Variants in SBF2 observed in about 807,000 individuals in gnomAD.
SBF2 encodes the protein myotubularin-related protein 13.
SBF2 carries 112 observed loss-of-function variants against 225.2 expected under a neutral mutation model. The observed-to-expected ratio is 0.50, with a 90% CI of 0.43 to 0.58. SBF2 has a LOEUF of 0.58. Among genes scored for constraint, SBF2 ranks in the 20% least tolerant of loss-of-function variants. The pLI, the probability that SBF2 is intolerant of heterozygous loss-of-function variation, is 0.00. For synonymous variants in SBF2, 763 were observed against 773.3 expected, an observed-to-expected ratio of 0.99 and a Z score of 0.22; for missense variants, 1,996 against 2,206.2, an observed-to-expected ratio of 0.90 and a Z score of 1.91.
In SBF2 at chr11:9,945,073, C is replaced by T. The variant is rs1865486866; in HGVS notation, c.1860+16884G>A. On this transcript the variant is annotated intron_variant, in intron 16 of 39. Transcript: ENST00000256190. ...TGGGCCATGATTGCACCACTGCACT[C>T]CAGCCTGAGTGACAGAGCCAAGATT... is the stretch of plus-strand genomic sequence containing the variant. Among the ~76,000 whole-genome samples, 3 of 152,242 alleles carry T rather than the reference C, an allele frequency of 2.0e-5. No individual in the cohort carries two copies. The South Asian group carries it at 6.2e-4, about 32-fold the overall frequency.
At chr11:9,787,897 T>C (rs1354989418) in intron 35 of SBF2, 159 bp from the exon 36 acceptor site, 10 of 677,670 alleles carry the variant, frequency 1.5e-5, no homozygotes, top group Non-Finnish European at 2.4e-5. Context: ...CAGCCAGGAA[T>C]AGTGGTGAGA....
At chr11:9,871,252 C>T (rs75779634) in intron 17 of SBF2, among the ~76,000 whole-genome samples, 4,034 of 151,548 alleles carry the variant, frequency 0.027, 194 homozygotes, top group African/African-American at 0.093. Context: ...ATCCATCTGA[C>T]GAAGATCTAA....
At position 9,794,844 on chromosome 11, in the gene SBF2, A is replaced by G. The variant is rs563245693; in HGVS notation, c.4570+987T>C. The stretch of plus-strand genomic sequence containing the variant: ...CATGAGCCAACAAAGGTCTGGAAGT[A>G]TAAACAGGGTGGAAAATGGTCTCAC... On this transcript the variant is annotated intron_variant, in intron 33 of 39. Coordinates refer to ENST00000256190, the MANE Select transcript of SBF2 (RefSeq NM_030962.4). 7.2e-5 allele frequency among the ~76,000 whole-genome samples: 11 copies of G among 152,284 alleles called. No individual in the cohort carries two copies. In the East Asian group the frequency reaches 1.4e-3, roughly 19 times the overall value.
intron 16 of SBF2, among the ~76,000 whole-genome samples, chr11:9,901,203 A>G (rs1861694344): frequency 6.6e-6 from 1 of 152,252 alleles, no homozygotes; most frequent in Admixed American, 6.5e-5. Flanking sequence ...GCAGACCAAA[A>G]TATAAGTAGA....
At chr11:10,002,339 A>T (rs756518694) in intron 7 of SBF2, among the ~76,000 whole-genome samples, 2 of 152,208 alleles carry the variant, frequency 1.3e-5, no homozygotes, top group Non-Finnish European at 1.5e-5. Context: ...ATACTATTCA[A>T]ATTAAATATT....
intron 16 of SBF2, chr11:9,956,485 T>C (rs1866173704): frequency 6.6e-6 from 1 of 152,160 alleles, no homozygotes; most frequent in South Asian, 2.1e-4. Flanking sequence ...AGGCTCTGCT[T>C]ATAGTTTTAA....
At chr11:10,112,635 A>AT (rs1952931830) in intron 2 of SBF2, among the ~76,000 whole-genome samples, 1 of 152,244 alleles carries the variant, frequency 6.6e-6, no homozygotes, top group South Asian at 2.1e-4. Flanking sequence ...TAGCAAACAC[A>AT]TCTTTGGGGA....
chr11:10,136,052 A>C (rs1954335738), intron 2 of SBF2, among the ~76,000 whole-genome samples: 1 of 152,182 alleles, frequency 6.6e-6, no homozygotes, highest in Non-Finnish European at 1.5e-5. Flanking sequence ...GAGGCCTCAC[A>C]ATCATGGCAG....
chr11:10,122,631 T>C lies in SBF2; in HGVS notation c.141+71271A>G, dbSNP rs1565254332. On this transcript the variant is annotated intron_variant, in intron 2 of 39. Transcript: ENST00000256190. Reference sequence around the variant, plus strand: ...ATTAAAAGGCACTTGATTTTCCTCATAGGAGAATCATTTGACACTCACTCA... The same window carrying C: ...ATTAAAAGGCACTTGATTTTCCTCACAGGAGAATCATTTGACACTCACTCA... Among the ~76,000 whole-genome samples, 6 of 152,212 alleles carry C rather than the reference T, an allele frequency of 3.9e-5. No homozygotes were observed. The South Asian group carries it at 1.2e-3, about 31-fold the overall frequency.
intron 17 of SBF2, among the ~76,000 whole-genome samples, chr11:9,887,370 T>C (rs1484961871): frequency 6.6e-6 from 1 of 152,082 alleles, no homozygotes; most frequent in African/African-American, 2.4e-5. Context: ...CTAATCTTAA[T>C]AAAGAACATT....
chr11:9,996,199 A>G (rs1947693456), intron 9 of SBF2, among the ~76,000 whole-genome samples: 1 of 152,164 alleles, frequency 6.6e-6, no homozygotes. Context: ...TAACCCCTAA[A>G]TAACTATTCA....
intron 1 of SBF2, among the ~76,000 whole-genome samples, chr11:10,241,595 T>C (rs1162121692): frequency 6.6e-6 from 1 of 151,964 alleles, no homozygotes; most frequent in Non-Finnish European, 1.5e-5. Flanking sequence ...TCAGGAAACA[T>C]TACAGATCCT....
intron 32 of SBF2, among the ~76,000 whole-genome samples, chr11:9,797,091 A>G (rs932251134): frequency 6.6e-6 from 1 of 152,216 alleles, no homozygotes; most frequent in African/African-American, 2.4e-5. Context: ...AGCTGGTTCA[A>G]ATTAACACTA....
In SBF2 at chr11:10,171,930, A is replaced by C. The variant is rs544676027; in HGVS notation, c.141+21972T>G. On this transcript the variant is annotated intron_variant, in intron 2 of 39. Transcript: ENST00000256190. Reference sequence around the variant, plus strand: ...CTTCCAGGTTTTCCAATTTATTGACATATAGTTGGTCACAGTAGCCACTAA... The same window carrying C: ...CTTCCAGGTTTTCCAATTTATTGACCTATAGTTGGTCACAGTAGCCACTAA... 2.2e-4 allele frequency among the ~76,000 whole-genome samples: 34 copies of C among 152,286 alleles called. No individual in the cohort carries two copies. In the South Asian group the frequency reaches 6.4e-3, roughly 29 times the overall value.
chr11:9,813,049 A>G (rs1854280397), intron 29 of SBF2, among the ~76,000 whole-genome samples: 1 of 152,200 alleles, frequency 6.6e-6, no homozygotes, highest in African/African-American at 2.4e-5. Flanking sequence ...TTATAAGGCC[A>G]TGAACCTGGA....
rs529443807 is a variant in SBF2, at chr11:10,013,220, G to A, written c.620-10531C>T. Among the ~76,000 whole-genome samples the A allele has an allele frequency of 6.6e-5, 10 of 152,274 alleles. No individual in the cohort carries two copies. The South Asian group carries it at 1.2e-3, about 19-fold the overall frequency. The stretch of plus-strand genomic sequence containing the variant: ...ACTGTAATTCAGACAGGCATCTGAC[G>A]TTTTTCTCCTTTCATCTCCTACTGG... On this transcript the variant is annotated intron_variant, in intron 6 of 39. Transcript: ENST00000256190.
chr11:9,806,755 T>C (rs1853875614), intron 32 of SBF2, among the ~76,000 whole-genome samples: 1 of 152,124 alleles, frequency 6.6e-6, no homozygotes, highest in African/African-American at 2.4e-5. Context: ...GGGTGAAAGG[T>C]TGGAAAGTCA....
chr11:10,166,833 ATG>A (rs1955974712), intron 2 of SBF2, among the ~76,000 whole-genome samples: 1 of 151,966 alleles, frequency 6.6e-6, no homozygotes, highest in Admixed American at 6.6e-5. Context: ...ATAGTGGCGC[ATG>A]CCTGTAGTCC....
chr11:10,043,504 T>C (rs982847276), intron 2 of SBF2, among the ~76,000 whole-genome samples: 1 of 152,266 alleles, frequency 6.6e-6, no homozygotes, highest in African/African-American at 2.4e-5. Flanking sequence ...TGTTAGACCA[T>C]GACAGAATTA....
Sources: gnomAD v4.1 joint callset for allele counts (sites outside exome capture counted in the v4.1 genomes callset) on GRCh38, gnomAD v4.1.1 for gene constraint, MANE v1.5 for transcripts, NCBI Gene and HGNC (gene_info 2026-07-23, HGNC 2026-07-21) for gene names.